The following MYT1 variants were observed in gnomAD, a reference collection of about 807,000 sequenced individuals.
The protein encoded by MYT1 is myelin transcription factor I.
Under a neutral mutation model 123.0 loss-of-function variants are expected in MYT1, and 23 were observed. The ratio of observed to expected loss-of-function variants is 0.19; its 90% CI spans 0.13 to 0.26. The LOEUF is 0.26. Ranked by LOEUF, MYT1 falls within the 10% of genes least tolerant of loss-of-function variation. MYT1 has a pLI of 1.00. For synonymous variants in MYT1, 518 were observed against 575.3 expected, an observed-to-expected ratio of 0.90 and a Z score of 1.43; for missense variants, 1,125 against 1,472.5, an observed-to-expected ratio of 0.76 and a Z score of 3.86.
rs935831851 is a variant in MYT1 at position 64,219,654 on chromosome 20, C to T, written c.1972-59C>T. ...CTCTGTACGTTTGATTCAAATGGAC[C>T]AGAAGGCACACATGGGAAGGGATGG... On this transcript the variant is annotated intron_variant, in intron 12 of 22. Transcript: ENST00000328439. 6 of 1,443,838 alleles carry T rather than the reference C, an allele frequency of 4.2e-6. No homozygotes were observed. The Admixed American group carries it at 7.2e-5, about 17-fold the overall frequency. The allele number at this position is 1,443,838 out of a possible 1,614,324, so 89.4% of individuals were successfully genotyped here.
rs116137353 is a variant in MYT1, at chr20:64,165,309, A to G, written c.-99+570A>G. On this transcript the variant is annotated intron_variant, in intron 1 of 22. Transcript: ENST00000328439. Reference sequence around the variant, plus strand: ...TCTAGGGTGCATGCGTCTGTGGGATAGATGTGCAGAAGTAAATATCGGCCG... The same window carrying G: ...TCTAGGGTGCATGCGTCTGTGGGATGGATGTGCAGAAGTAAATATCGGCCG... Among the ~76,000 whole-genome samples, 284 of 152,268 alleles carry G rather than the reference A, an allele frequency of 1.9e-3. 1 individual carries two copies. Among genetic ancestry groups the G allele is most frequent in the African/African-American group, 6.5e-3 (269 of 41,546 alleles).
chr20:64,232,494 A>G lies in MYT1; in HGVS notation c.2897+109A>G, dbSNP rs1269048419. The G allele has an allele frequency of 8.8e-7, 1 of 1,136,082 alleles. No homozygotes were observed. Among genetic ancestry groups the G allele is most frequent in the African/African-American group, 1.5e-5 (1 of 64,862 alleles). 70.4% of individuals were successfully genotyped at this position (1,136,082 alleles called of 1,614,324 possible). On this transcript the variant is annotated intron_variant, in intron 19 of 22. Coordinates refer to ENST00000328439, the MANE Select transcript of MYT1 (RefSeq NM_004535.3). This position sits in a 1 kb window ranked among gnomAD's most constrained non-coding sequence, Gnocchi z 6.9. ...GGCCAGACCAGGGCTCCGTGTGACC[A>G]GAGTTGCTCAAGGGAAAGGCCAGGC...
Position 64,211,333 on chromosome 20 carries a change from C to G in MYT1, c.1419C>G (p.Pro473=), listed in dbSNP as rs745328718. 4.3e-6 allele frequency: 7 copies of G among 1,612,768 alleles called. No individual in the cohort carries two copies. The South Asian group carries it at 7.7e-5, about 18-fold the overall frequency. Residue 473 remains proline (P), a synonymous_variant, in exon 8 of 23, where the codon CCC becomes CCG. Coordinates refer to ENST00000328439, the MANE Select transcript of MYT1 (RefSeq NM_004535.3). The part of the protein sequence containing the change: ...LSGCPHKDRI[P]PEILAMHENV... ...GCTGTCCCCACAAGGATAGGATCCC[C>G]CCAGAGAGTGAGTAGCTCTGTGCAG...
In MYT1 at chr20:64,231,333, G is replaced by A. The variant is rs371104990; in HGVS notation, c.2676-831G>A. ...CTGGTCCAGGTCCTTCCCTGAGGCAGTGGGGACAGACACTCAGAGAGGTCA... is the reference window on the plus strand; with the variant it reads ...CTGGTCCAGGTCCTTCCCTGAGGCAATGGGGACAGACACTCAGAGAGGTCA... On this transcript the variant is annotated intron_variant, in intron 18 of 22. Coordinates refer to ENST00000328439, the MANE Select transcript of MYT1 (RefSeq NM_004535.3). This position sits in a 1 kb window ranked among gnomAD's most constrained non-coding sequence, Gnocchi z 6.4. 4.6e-5 allele frequency among the ~76,000 whole-genome samples: 7 copies of A among 152,216 alleles called. No individual in the cohort carries two copies. Among genetic ancestry groups the A allele is most frequent in the African/African-American group, 9.7e-5 (4 of 41,442 alleles).
intron 4 of MYT1, among the ~76,000 whole-genome samples, chr20:64,204,709 A>T (rs1763575629): frequency 1.3e-5 from 2 of 152,192 alleles, no homozygotes; most frequent in Admixed American, 1.3e-4. Flanking sequence ...TGCCGTGTTC[A>T]GGGCACCTCA....
At position 64,232,318 on chromosome 20, in the gene MYT1, C is replaced by T. The variant is rs1234217228; in HGVS notation, c.2830C>T (p.Pro944Ser). The change falls in exon 19 of 23, where the codon CCG becomes TCG. Residue 944 changes from proline (P) to serine (S), a missense_variant. By Grantham distance (74) the Pro-to-Ser change is moderately conservative. Transcript: ENST00000328439. This position sits in a 1 kb window ranked among gnomAD's most constrained non-coding sequence, Gnocchi z 6.9. ...CTGGAAGTCCCTGAAGAATGAAGGA[C>T]CGACCTGCCCCACCCCGGGCTGTGA... ...FSWKSLKNEGPTCPTPGCDGS... is the reference protein window; with the variant it reads ...FSWKSLKNEGSTCPTPGCDGS... The T allele has an allele frequency of 3.1e-6, 5 of 1,612,910 alleles. No homozygotes were observed. Among genetic ancestry groups the T allele is most frequent in the Non-Finnish European group, 4.2e-6 (5 of 1,180,006 alleles).
In MYT1 at chr20:64,232,488, G is replaced by A. The variant is rs904992435; in HGVS notation, c.2897+103G>A. On this transcript the variant is annotated intron_variant, in intron 19 of 22. Coordinates refer to ENST00000328439, the MANE Select transcript of MYT1 (RefSeq NM_004535.3). This position sits in a 1 kb window ranked among gnomAD's most constrained non-coding sequence, Gnocchi z 6.9. ...AGGGAGGGCCAGACCAGGGCTCCGT[G>A]TGACCAGAGTTGCTCAAGGGAAAGG... The A allele has an allele frequency of 7.6e-6, 9 of 1,182,612 alleles. No individual in the cohort carries two copies. The African/African-American group carries it at 1.4e-4, about 18-fold the overall frequency. The allele number at this position is 1,182,612 out of a possible 1,614,324, so 73.3% of individuals were successfully genotyped here. A position where few individuals can be genotyped will look rare whatever the true frequency, so the allele number is the denominator to read the frequency against.
In MYT1 at chr20:64,232,698, CACTT is replaced by C. The variant is rs1195544057; in HGVS notation, c.2897+316_2897+319del. Among the ~76,000 whole-genome samples the C allele has an allele frequency of 3.3e-5, 5 of 152,254 alleles. No homozygotes were observed. In the East Asian group the frequency reaches 9.6e-4, roughly 29 times the overall value. ...CACATGAGCAGAGCCCTGGGTCTGA[CACTT>C]ACGTTCTCTTAACAGGCTGACAACT... On this transcript the variant is annotated intron_variant, in intron 19 of 22. Coordinates refer to ENST00000328439, the MANE Select transcript of MYT1 (RefSeq NM_004535.3). The surrounding 1 kb of genome is among the most constrained non-coding windows in gnomAD (Gnocchi z 6.9).
intron 10 of MYT1, among the ~76,000 whole-genome samples, chr20:64,214,341 G>A (rs1983776130): frequency 6.6e-6 from 1 of 152,056 alleles, no homozygotes; most frequent in South Asian, 2.1e-4. Context: ...TCACACGCCT[G>A]TTTGTGTTCG....
chr20:64,168,545 A>G lies in MYT1; in HGVS notation c.-99+3806A>G, dbSNP rs1176096798. On this transcript the variant is annotated intron_variant, in intron 1 of 22. Transcript: ENST00000328439. This position sits in a 1 kb window ranked among gnomAD's most constrained non-coding sequence, Gnocchi z 6.1. ...TTGGAGTCCAGGCCTTGCAGAGGAG[A>G]GAGGATGTCGACACAGCTGTGGGTG... Among the ~76,000 whole-genome samples the G allele has an allele frequency of 3.3e-5, 5 of 152,172 alleles. No individual in the cohort carries two copies. Among genetic ancestry groups the G allele is most frequent in the Non-Finnish European group, 7.3e-5 (5 of 68,034 alleles).
chr20:64,179,596 T>C (rs73326716), intron 1 of MYT1, among the ~76,000 whole-genome samples: 2,133 of 152,290 alleles, frequency 0.014, 36 homozygotes, highest in African/African-American at 0.039. Context: ...CTTTGGATGC[T>C]CAGATTGTCC....
chr20:64,205,946 C>T, intron 6 of MYT1, 146 bp downstream of exon 6: 1 of 1,330,732 alleles, frequency 7.5e-7, no homozygotes, highest in Non-Finnish European at 1.0e-6. Context: ...ATGTGCTGGG[C>T]TTCCTGGGAG....
chr20:64,217,727 C>T (rs1248689572), intron 11 of MYT1, among the ~76,000 whole-genome samples: 1 of 152,222 alleles, frequency 6.6e-6, no homozygotes, highest in Admixed American at 6.5e-5. Context: ...CTGGGTGGGG[C>T]CAGATGACTG....
intron 1 of MYT1, among the ~76,000 whole-genome samples, chr20:64,181,095 A>C (rs1313918431): frequency 1.3e-5 from 2 of 152,110 alleles, no homozygotes; most frequent in African/African-American, 4.8e-5. Flanking sequence ...ATGTGATCCT[A>C]TTCTAGTTAT....
intron 1 of MYT1, among the ~76,000 whole-genome samples, chr20:64,183,697 G>A (rs1229057696): frequency 6.6e-6 from 1 of 152,068 alleles, no homozygotes; most frequent in East Asian, 1.9e-4. Context: ...CTAAAATTGG[G>A]TTATTTGTCT....
Position 64,205,769 on chromosome 20 carries a change from G to A in MYT1, c.366G>A (p.Gln122=), listed in dbSNP as rs1452612793. The A allele has an allele frequency of 1.2e-6, 2 of 1,614,108 alleles. No homozygotes were observed. Among genetic ancestry groups the A allele is most frequent in the Non-Finnish European group, 1.7e-6 (2 of 1,180,030 alleles). ...LEGAEAETSG[Q]DEIHRPETAE... The stretch of plus-strand genomic sequence containing the variant: ...GGGCCGAGGCTGAGACGTCAGGACA[G>A]GACGAGATTCATCGCCCCGAGACAG... Residue 122 remains glutamine (Q), a synonymous_variant, in exon 6 of 23, where the codon CAG becomes CAA. Coordinates refer to ENST00000328439, the MANE Select transcript of MYT1 (RefSeq NM_004535.3).
At position 64,218,210 on chromosome 20, in the gene MYT1, G is replaced by A. The variant is rs1983897347; in HGVS notation, c.1847-701G>A. Reference sequence around the variant, plus strand: ...GAATGCAATGGTGCCAGTGGAGAGGGGGACCTCACGATAAGCTTTCCAATA... The same window carrying A: ...GAATGCAATGGTGCCAGTGGAGAGGAGGACCTCACGATAAGCTTTCCAATA... On this transcript the variant is annotated intron_variant, in intron 11 of 22. Transcript: ENST00000328439. The surrounding 1 kb of genome is among the most constrained non-coding windows in gnomAD (Gnocchi z 4.0). 6.6e-6 allele frequency among the ~76,000 whole-genome samples: 1 copy of A among 152,196 alleles called. No homozygotes were observed. Among genetic ancestry groups the A allele is most frequent in the African/African-American group, 2.4e-5 (1 of 41,442 alleles).
At position 64,211,316 on chromosome 20, in the gene MYT1, C is replaced by G; in HGVS notation, c.1402C>G (p.His468Asp). The G allele has an allele frequency of 1.2e-6, 2 of 1,613,752 alleles. No homozygotes were observed. The highest frequency in any genetic ancestry group is 1.7e-6 in the Non-Finnish European group (2 of 1,179,726). The change falls in exon 8 of 23, where the codon CAC (histidine) becomes GAC (aspartate). Residue 468 changes from histidine (H) to aspartate (D), a missense_variant. Transcript: ENST00000328439. ...CCACCGCAGCCTTTCTGGCTGTCCC[C>G]ACAAGGATAGGATCCCCCCAGAGAG... is the stretch of plus-strand genomic sequence containing the variant. ...PHHRSLSGCP[H>D]KDRIPPEILA...
chr20:64,205,272 G>A (rs567388831), intron 5 of MYT1, among the ~76,000 whole-genome samples, 175 bp downstream of exon 5: 34 of 140,730 alleles, frequency 2.4e-4, no homozygotes, highest in African/African-American at 8.3e-4. Context: ...GGCCATGGGC[G>A]TGCCATGTGG....
Sources: allele counts gnomAD v4.1 joint callset (sites outside exome capture counted in the v4.1 genomes callset), GRCh38; gene constraint gnomAD v4.1.1; non-coding constraint Gnocchi (gnomAD v3.1); transcripts MANE v1.5; gene names NCBI Gene and HGNC (gene_info 2026-07-23, HGNC 2026-07-21).